Variants in BMPR1B observed in about 807,000 individuals in gnomAD.
The protein encoded by BMPR1B is bone morphogenetic protein receptor type 1B, also known as bone morphogenetic protein receptor type-1B.
Under a neutral mutation model 59.1 loss-of-function variants are expected in BMPR1B, and 12 were observed. The ratio of observed to expected loss-of-function variants is 0.20; its 90% CI spans 0.13 to 0.33. BMPR1B has a LOEUF of 0.33. Ranked by LOEUF, BMPR1B falls within the 10% of genes least tolerant of loss-of-function variation. The pLI is 1.00. For missense variants in BMPR1B, 550 were observed against 610.9 expected, an observed-to-expected ratio of 0.90 and a Z score of 1.05; for synonymous variants, 237 against 207.3, an observed-to-expected ratio of 1.14 and a Z score of -1.23.
intron 3 of BMPR1B, among the ~76,000 whole-genome samples, chr4:95,061,121 C>A (rs952805094): frequency 2.7e-5 from 4 of 150,100 alleles, no homozygotes; most frequent in Non-Finnish European, 5.9e-5. Flanking sequence ...TCAGAGAGCT[C>A]CTGTGTTCAC....
chr4:94,873,690 G>A (rs2148970334), intron 1 of BMPR1B, among the ~76,000 whole-genome samples: 1 of 152,310 alleles, frequency 6.6e-6, no homozygotes, highest in Non-Finnish European at 1.5e-5. Context: ...TTACAGGCGT[G>A]AGCTGCCGTG....
intron 4 of BMPR1B, among the ~76,000 whole-genome samples, chr4:95,106,456 T>TAGGA (rs1731206677): frequency 6.6e-6 from 1 of 152,172 alleles, no homozygotes; most frequent in South Asian, 2.1e-4. Context: ...GGTGCTGGTG[T>TAGGA]AGGAGTGAGT....
intron 1 of BMPR1B, among the ~76,000 whole-genome samples, chr4:94,855,230 T>C (rs1188917942): frequency 6.6e-6 from 1 of 152,212 alleles, no homozygotes; most frequent in African/African-American, 2.4e-5. Flanking sequence ...CTAACAGTTA[T>C]TATGTTACTT....
At chr4:94,858,864 C>T (rs1408531550) in intron 1 of BMPR1B, among the ~76,000 whole-genome samples, 14 of 152,120 alleles carry the variant, frequency 9.2e-5, no homozygotes, top group Admixed American at 9.2e-4. Context: ...CTTTCACCAC[C>T]CCTTCCAAAT....
At chr4:94,955,237 G>T (rs1730097081) in intron 2 of BMPR1B, among the ~76,000 whole-genome samples, 1 of 152,184 alleles carries the variant, frequency 6.6e-6, no homozygotes, top group African/African-American at 2.4e-5. Context: ...GCTTCCTTCA[G>T]GGCTTGAGGC....
chr4:94,758,304 G>A (rs1390462234), intron 1 of BMPR1B, among the ~76,000 whole-genome samples: 3 of 151,278 alleles, frequency 2.0e-5, no homozygotes, highest in African/African-American at 4.8e-5. Context: ...GAGGGGGTCA[G>A]GCGGTGGCCG....
chr4:94,864,648 A>G (rs938232871), intron 1 of BMPR1B, among the ~76,000 whole-genome samples: 10 of 152,224 alleles, frequency 6.6e-5, no homozygotes, highest in South Asian at 2.1e-4. Context: ...TAGGGATTCA[A>G]CTTGGTGATA....
intron 1 of BMPR1B, among the ~76,000 whole-genome samples, chr4:94,822,616 G>C (rs1724247561): frequency 6.6e-6 from 1 of 152,096 alleles, no homozygotes; most frequent in Admixed American, 6.6e-5. Context: ...TCAAGTCCCT[G>C]GACTGGGTGC....
chr4:94,914,703 T>C (rs1438408673), intron 2 of BMPR1B, among the ~76,000 whole-genome samples: 1 of 152,134 alleles, frequency 6.6e-6, no homozygotes, highest in Non-Finnish European at 1.5e-5. Flanking sequence ...TAAGTAAATT[T>C]TGAGATGAAA....
intron 2 of BMPR1B, among the ~76,000 whole-genome samples, chr4:94,945,514 A>C (rs867488243): frequency 6.6e-5 from 10 of 152,152 alleles, no homozygotes; most frequent in Non-Finnish European, 1.3e-4. Flanking sequence ...AGCTCACTGC[A>C]ACCTCTAACC....
At chr4:94,866,711 A>C (rs1578738584) in intron 1 of BMPR1B, among the ~76,000 whole-genome samples, 1 of 151,956 alleles carries the variant, frequency 6.6e-6, no homozygotes, top group Non-Finnish European at 1.5e-5. Flanking sequence ...CAGCCTCCCA[A>C]GTAGCTGGAT....
Position 94,824,503 on chromosome 4 carries a change from A to G in BMPR1B, c.-182-51328A>G, listed in dbSNP as rs188874626. Among the ~76,000 whole-genome samples, 2 of 152,324 alleles carry G rather than the reference A, an allele frequency of 1.3e-5. 1 individual carries two copies. Among genetic ancestry groups the G allele is most frequent in the Non-Finnish European group, 2.9e-5 (2 of 68,026 alleles). ...CCAAATGCAGACACTAAGGTAGTGT[A>G]TCCTTATGCTATTTGAACTGATCTG... On this transcript the variant is annotated intron_variant, in intron 1 of 12. Transcript: ENST00000515059.
intron 2 of BMPR1B, among the ~76,000 whole-genome samples, chr4:94,962,541 T>G (rs1560569475): frequency 6.6e-6 from 1 of 151,318 alleles, no homozygotes; most frequent in East Asian, 1.9e-4. Context: ...ATGAGATCAG[T>G]TTTTTTTTAG....
chr4:95,094,040 CTT>C (rs1009427012), intron 3 of BMPR1B, among the ~76,000 whole-genome samples: 1 of 152,024 alleles, frequency 6.6e-6, no homozygotes, highest in Admixed American at 6.6e-5. Flanking sequence ...TGTGACATCT[CTT>C]TTATTGTTTT....
chr4:94,762,825 T>C (rs1486487425), intron 1 of BMPR1B, among the ~76,000 whole-genome samples: 1 of 151,324 alleles, frequency 6.6e-6, no homozygotes, highest in Non-Finnish European at 1.5e-5. Context: ...TATCGTGGAA[T>C]AGAAGAATCA....
chr4:95,154,519 T>TA, intron 12 of BMPR1B, 29 bp from the exon 13 acceptor site: 8 of 1,613,950 alleles, frequency 5.0e-6, no homozygotes, highest in Non-Finnish European at 6.8e-6. Flanking sequence ...TTGCAGATGA[T>TA]ACATTTTTCT....
chr4:95,063,503 G>A (rs902765001), intron 3 of BMPR1B, among the ~76,000 whole-genome samples: 2 of 152,068 alleles, frequency 1.3e-5, no homozygotes, highest in Admixed American at 1.3e-4. Context: ...TAACTTGCTC[G>A]AGGTCACAGA....
intron 3 of BMPR1B, among the ~76,000 whole-genome samples, chr4:95,013,191 C>A (rs1014500394): frequency 6.6e-6 from 1 of 151,490 alleles, no homozygotes; most frequent in Non-Finnish European, 1.5e-5. Flanking sequence ...TCAAAAGTCC[C>A]ACCAACAATG....
intron 1 of BMPR1B, among the ~76,000 whole-genome samples, chr4:94,857,810 T>A (rs1725819786): frequency 6.6e-6 from 1 of 152,244 alleles, no homozygotes; most frequent in Non-Finnish European, 1.5e-5. Flanking sequence ...TTTAGTGGAA[T>A]AGATACTAAT....
Sources: allele counts gnomAD v4.1 joint callset (sites outside exome capture counted in the v4.1 genomes callset), GRCh38; gene constraint gnomAD v4.1.1; transcripts MANE v1.5; gene names NCBI Gene and HGNC (gene_info 2026-07-23, HGNC 2026-07-21).